Variants in ZNF532 observed in about 807,000 individuals in gnomAD.
ZNF532 encodes the protein zinc finger protein 532.
Under a neutral mutation model 89.3 loss-of-function variants are expected in ZNF532, and 22 were observed. The ratio of observed to expected loss-of-function variants is 0.25; its 90% CI spans 0.18 to 0.35. The LOEUF is 0.35. Ranked by LOEUF, ZNF532 falls within the 10% of genes least tolerant of loss-of-function variation. ZNF532 has a pLI of 1.00. For synonymous variants in ZNF532, 606 were observed against 649.6 expected, an observed-to-expected ratio of 0.93 and a Z score of 1.02; for missense variants, 1,132 against 1,643.4, an observed-to-expected ratio of 0.69 and a Z score of 5.38.
In ZNF532 at chr18:58,918,510, G is replaced by A. The variant is rs779891977; in HGVS notation, c.223G>A (p.Glu75Lys). 6 of 1,614,208 alleles carry A rather than the reference G, an allele frequency of 3.7e-6. No individual in the cohort carries two copies. The highest frequency in any genetic ancestry group is 1.3e-5 in the African/African-American group (1 of 75,050). The change falls in exon 3 of 10, where the codon GAG becomes AAG. Residue 75 changes from glutamate to lysine, a missense_variant. Physicochemically the swap from Glu to Lys is moderately conservative, Grantham distance 56. Coordinates refer to ENST00000591808, the MANE Select transcript of ZNF532 (RefSeq NM_001375912.1). ...VKNVRNIDSS[E>K]GGEKDGHNPT... ...GAATGTTCGGAACATTGACTCTTCC[G>A]AGGGCGGGGAGAAAGACGGCCACAA...
At chr18:58,893,349 TAG>T (rs1161134419) in intron 2 of ZNF532, among the ~76,000 whole-genome samples, 9 of 152,224 alleles carry the variant, frequency 5.9e-5, no homozygotes, top group Non-Finnish European at 1.0e-4. Flanking sequence ...ATTATGTTAA[TAG>T]TTTGCTTTAG....
chr18:58,912,438 G>A (rs535660336), intron 2 of ZNF532, among the ~76,000 whole-genome samples: 1 of 152,310 alleles, frequency 6.6e-6, no homozygotes, highest in South Asian at 2.1e-4. Context: ...TACGCTATGT[G>A]TTACCCTGGT....
chr18:58,983,909 T>C, intron 9 of ZNF532, 63 bp from the exon 10 acceptor site: 1 of 1,539,740 alleles, frequency 6.5e-7, no homozygotes. Flanking sequence ...AGAGAACCGA[T>C]CATTTATCAA....
At chr18:58,930,488 C>G (rs1351810751) in intron 3 of ZNF532, among the ~76,000 whole-genome samples, 1 of 152,042 alleles carries the variant, frequency 6.6e-6, no homozygotes, top group Non-Finnish European at 1.5e-5. Flanking sequence ...ATTAGCCAGG[C>G]ATGGCGGTGC....
intron 2 of ZNF532, among the ~76,000 whole-genome samples, chr18:58,912,555 C>T (rs1421665875): frequency 6.6e-6 from 1 of 151,920 alleles, no homozygotes; most frequent in Non-Finnish European, 1.5e-5. Context: ...TGTTGGTGTC[C>T]CATTGTGTCA....
chr18:58,976,637 A>T (rs1260901410), intron 7 of ZNF532, among the ~76,000 whole-genome samples: 1 of 152,040 alleles, frequency 6.6e-6, no homozygotes, highest in Non-Finnish European at 1.5e-5. Context: ...AACCACTGCA[A>T]TTCTTCTGCC....
Position 58,872,891 on chromosome 18 carries a change from G to T in ZNF532, c.-18+7312G>T, listed in dbSNP as rs528626425. 4.6e-5 allele frequency among the ~76,000 whole-genome samples: 7 copies of T among 151,664 alleles called. No homozygotes were observed. In the South Asian group the frequency reaches 1.5e-3, roughly 32 times the overall value. ...ATTTTTGTATTTTTAGTAGAGATGG[G>T]GTTTCACCATGTTAGCCAGGATGGT... On this transcript the variant is annotated intron_variant, in intron 2 of 9. Coordinates refer to ENST00000591808, the MANE Select transcript of ZNF532 (RefSeq NM_001375912.1).
At chr18:58,950,090 A>G (rs1205518749) in intron 6 of ZNF532, among the ~76,000 whole-genome samples, 1 of 152,248 alleles carries the variant, frequency 6.6e-6, no homozygotes, top group Admixed American at 6.5e-5. Context: ...TTAAACCAAA[A>G]TATTTTAACA....
chr18:58,948,771 G>C (rs1338389113), intron 6 of ZNF532, among the ~76,000 whole-genome samples: 1 of 152,030 alleles, frequency 6.6e-6, no homozygotes, highest in Non-Finnish European at 1.5e-5. Flanking sequence ...TGGCCAGGCT[G>C]ATCTTGAACT....
At chr18:58,880,061 G>C (rs527788791) in intron 2 of ZNF532, among the ~76,000 whole-genome samples, 1 of 152,292 alleles carries the variant, frequency 6.6e-6, no homozygotes, top group East Asian at 1.9e-4. Flanking sequence ...TGTTTTGGTG[G>C]AAGTGTGAAA....
At chr18:58,949,247 C>T (rs2063931889) in intron 6 of ZNF532, among the ~76,000 whole-genome samples, 1 of 152,022 alleles carries the variant, frequency 6.6e-6, no homozygotes, top group Non-Finnish European at 1.5e-5. Flanking sequence ...CTTAACTGTC[C>T]ACTGTAATAT....
chr18:58,890,347 A>G (rs190362690), intron 2 of ZNF532, among the ~76,000 whole-genome samples: 131 of 152,098 alleles, frequency 8.6e-4, no homozygotes, highest in Non-Finnish European at 1.4e-3. Context: ...AACTGTTACA[A>G]CTGGGTTTAT....
At chr18:58,972,469 CCA>C (rs1476729231) in intron 7 of ZNF532, among the ~76,000 whole-genome samples, 1 of 152,120 alleles carries the variant, frequency 6.6e-6, no homozygotes, top group African/African-American at 2.4e-5. Context: ...AAAATGAAGG[CCA>C]CAGTTATTTG....
chr18:58,918,136 C>T (rs2060738237), intron 2 of ZNF532, 135 bp from the exon 3 acceptor site: 2 of 768,168 alleles, frequency 2.6e-6, no homozygotes, highest in African/African-American at 3.5e-5. Context: ...CTCAGAGTTT[C>T]GTAGTTACCG....
chr18:58,885,406 T>C (rs1001769662), intron 2 of ZNF532, among the ~76,000 whole-genome samples: 3 of 152,232 alleles, frequency 2.0e-5, no homozygotes, highest in South Asian at 2.1e-4. Flanking sequence ...AGGAAATTTA[T>C]TATTATCTTC....
At chr18:58,965,302 A>T (rs1038093842) in intron 7 of ZNF532, among the ~76,000 whole-genome samples, 1 of 152,176 alleles carries the variant, frequency 6.6e-6, no homozygotes, top group Non-Finnish European at 1.5e-5. Context: ...CCTACTTACT[A>T]TCTCATTGCA....
chr18:58,934,113 G>A (rs1249682756), intron 3 of ZNF532: 1 of 217,138 alleles, frequency 4.6e-6, no homozygotes, highest in African/African-American at 2.3e-5. Flanking sequence ...AAAGTCTTTT[G>A]CTCACATAAA....
chr18:58,941,052 G>C (rs1384128215), intron 5 of ZNF532, among the ~76,000 whole-genome samples: 1 of 148,242 alleles, frequency 6.7e-6, no homozygotes, highest in African/African-American at 2.5e-5. Context: ...AGAAGTGACT[G>C]TTTTATCAAA....
Position 58,872,698 on chromosome 18 carries a change from C to CT in ZNF532, c.-18+7138dup, listed in dbSNP as rs146289274. Among the ~76,000 whole-genome samples the CT allele has an allele frequency of 8.0e-3, 1,110 of 138,542 alleles. 14 individuals are homozygous for CT. Among genetic ancestry groups the CT allele is most frequent in the African/African-American group, 0.021 (795 of 38,668 alleles). The allele number at this position is 138,542 out of a possible 152,430, so 90.9% of individuals were successfully genotyped here. On this transcript the variant is annotated intron_variant, in intron 2 of 9. Transcript: ENST00000591808. ...CTTCTCTCTGCCTTCCAACATTTATCTTTTTTTTTTTTTTTTTTTGAGACC... is the reference window on the plus strand; with the variant it reads ...CTTCTCTCTGCCTTCCAACATTTATCTTTTTTTTTTTTTTTTTTTTGAGACC...
Sources: gnomAD v4.1 joint callset for allele counts (sites outside exome capture counted in the v4.1 genomes callset) on GRCh38, gnomAD v4.1.1 for gene constraint, MANE v1.5 for transcripts, NCBI Gene and HGNC (gene_info 2026-07-23, HGNC 2026-07-21) for gene names.